The following KCNMA1 variants were observed in gnomAD, a reference collection of about 807,000 sequenced individuals.
The protein encoded by KCNMA1 is Calcium-activated potassium channel subunit alpha-1.
A neutral mutation model predicts 140.0 loss-of-function variants in KCNMA1; 29 were observed. The ratio of observed to expected loss-of-function variants is 0.21; its 90% CI spans 0.15 to 0.28. The LOEUF (loss-of-function observed/expected upper bound fraction) is 0.28, where lower values mean the gene tolerates loss of function less well. Ranked by LOEUF, KCNMA1 falls within the 10% of genes least tolerant of loss-of-function variation. The probability of loss-of-function intolerance (pLI) is 1.00; values close to 1 mark genes in which losing one functional copy is unlikely to be tolerated. For synonymous variants in KCNMA1, 612 were observed against 611.9 expected (o/e 1.00, Z 0.00); for missense variants, 880 against 1,602.2 (o/e 0.55, Z 7.70).
chr10:77,537,379 C>T (rs2059142352), intron 1 of KCNMA1, among the ~76,000 whole-genome samples: 2 of 152,186 alleles, frequency 1.3e-5, no homozygotes, highest in Non-Finnish European at 2.9e-5. Context: ...GCCTACAGTG[C>T]CCACACCTTG....
chr10:77,097,149 T>C (rs2096954508), intron 9 of KCNMA1, among the ~76,000 whole-genome samples: 1 of 152,316 alleles, frequency 6.6e-6, no homozygotes, highest in South Asian at 2.1e-4. Flanking sequence ...GTAGTGCTTT[T>C]CTTGGCTACT....
intron 2 of KCNMA1, among the ~76,000 whole-genome samples, chr10:77,273,397 A>C (rs1214413525): frequency 6.6e-6 from 1 of 152,322 alleles, no homozygotes; most frequent in African/African-American, 2.4e-5. Flanking sequence ...TTTCTGAAGT[A>C]CTTATTACAT....
chr10:77,608,472 C>G (rs573783506), intron 1 of KCNMA1, among the ~76,000 whole-genome samples: 217 of 152,250 alleles, frequency 1.4e-3, no homozygotes, highest in African/African-American at 5.1e-3. Context: ...CCATGCCGGG[C>G]CTGTAGGTCT....
At chr10:77,581,678 G>T (rs533579935) in intron 1 of KCNMA1, among the ~76,000 whole-genome samples, 1 of 152,326 alleles carries the variant, frequency 6.6e-6, no homozygotes, top group South Asian at 2.1e-4. Flanking sequence ...GTGCTCAGTT[G>T]CCTTACTCCC....
intron 3 of KCNMA1, among the ~76,000 whole-genome samples, chr10:77,244,910 A>C (rs1027056189): frequency 6.6e-6 from 1 of 152,028 alleles, no homozygotes; most frequent in Non-Finnish European, 1.5e-5. Context: ...CTGACATTCC[A>C]TTCTTTCAAC....
intron 23 of KCNMA1, among the ~76,000 whole-genome samples, chr10:76,933,061 C>T (rs1296150372): frequency 6.6e-6 from 1 of 152,168 alleles, no homozygotes; most frequent in South Asian, 2.1e-4. Flanking sequence ...GACAACCTGG[C>T]CATCTGATAA....
chr10:77,422,874 C>T (rs796260050), intron 1 of KCNMA1, among the ~76,000 whole-genome samples: 6 of 152,214 alleles, frequency 3.9e-5, no homozygotes, highest in African/African-American at 1.2e-4. Flanking sequence ...GAGGCTGGCC[C>T]TGCTGACATC....
At chr10:76,946,898 A>G (rs981058919) in intron 22 of KCNMA1, among the ~76,000 whole-genome samples, 3 of 152,228 alleles carry the variant, frequency 2.0e-5, no homozygotes, top group African/African-American at 7.2e-5. Context: ...CTGTTTAACC[A>G]ATAAACTCTG....
At position 77,451,052 on chromosome 10, in the gene KCNMA1, T is replaced by G. The variant is rs143842827; in HGVS notation, c.379-47029A>C. Among the ~76,000 whole-genome samples the G allele has an allele frequency of 2.3e-3, 345 of 152,284 alleles. 4 individuals carry two copies. Among genetic ancestry groups the G allele is most frequent in the Middle Eastern group, 3.4e-3 (1 of 294 alleles). The stretch of plus-strand genomic sequence containing the variant: ...CATGATTGTGAGGCTTCCCCAGCCA[T>G]GTGGAACTGTGAGTCCATTAAACCT... On this transcript the variant is annotated intron_variant, in intron 1 of 27. Transcript: ENST00000286628.
chr10:76,919,770 G>A (rs961615851), intron 23 of KCNMA1, among the ~76,000 whole-genome samples: 5 of 151,704 alleles, frequency 3.3e-5, no homozygotes, highest in African/African-American at 7.3e-5. Flanking sequence ...ATAAAATAAT[G>A]TATTTAAAAC....
chr10:77,078,070 G>A (rs992202737), intron 13 of KCNMA1: 1 of 152,218 alleles, frequency 6.6e-6, no homozygotes, highest in African/African-American at 2.4e-5. Flanking sequence ...AGCAAAATGG[G>A]CCAGCACTTG....
At chr10:77,552,019 C>T (rs1338737421) in intron 1 of KCNMA1, among the ~76,000 whole-genome samples, 1 of 152,158 alleles carries the variant, frequency 6.6e-6, no homozygotes, top group Non-Finnish European at 1.5e-5. Context: ...GGAAAAATCT[C>T]TCTGACCCAT....
chr10:76,951,505 T>C (rs1436032139), intron 21 of KCNMA1, among the ~76,000 whole-genome samples: 1 of 152,178 alleles, frequency 6.6e-6, no homozygotes, highest in Non-Finnish European at 1.5e-5. Flanking sequence ...TTAAATACAC[T>C]GTTTCATGGG....
At chr10:77,355,516 G>A (rs1357975891) in intron 2 of KCNMA1, among the ~76,000 whole-genome samples, 1 of 152,088 alleles carries the variant, frequency 6.6e-6, no homozygotes, top group African/African-American at 2.4e-5. Flanking sequence ...CTTCCTGTTG[G>A]GCATGATGAA....
chr10:77,073,282 T>C, intron 13 of KCNMA1, 30 bp from the exon 14 acceptor site: 4 of 1,611,688 alleles, frequency 2.5e-6, no homozygotes, highest in Non-Finnish European at 3.4e-6. Flanking sequence ...TATGAGACCT[T>C]GCTCTGTTAA....
intron 23 of KCNMA1, among the ~76,000 whole-genome samples, chr10:76,920,934 A>G (rs2055504014): frequency 6.6e-6 from 1 of 152,228 alleles, no homozygotes; most frequent in South Asian, 2.1e-4. Flanking sequence ...ACAACTCAGT[A>G]CATATAATAA....
At chr10:76,974,537 G>A (rs1433211743) in intron 19 of KCNMA1, 1 of 1,549,960 alleles carries the variant, frequency 6.5e-7, no homozygotes, top group Non-Finnish European at 8.7e-7. Context: ...GAACTCAAAT[G>A]GATCTTTGGA....
intron 2 of KCNMA1, among the ~76,000 whole-genome samples, chr10:77,283,819 A>G (rs776715364): frequency 7.2e-5 from 11 of 152,314 alleles, no homozygotes; most frequent in Non-Finnish European, 1.2e-4. Context: ...ATCATCCCCA[A>G]TGAATGTGAA....
At chr10:77,055,877 A>G (rs2095524610) in intron 14 of KCNMA1, among the ~76,000 whole-genome samples, 2 of 152,214 alleles carry the variant, frequency 1.3e-5, no homozygotes, top group African/African-American at 4.8e-5. Flanking sequence ...TAAATTGTTT[A>G]TAAACTCTGG....
Sources: allele counts gnomAD v4.1 joint callset (sites outside exome capture counted in the v4.1 genomes callset), GRCh38; gene constraint gnomAD v4.1.1; transcripts MANE v1.5; gene names NCBI Gene and HGNC (gene_info 2026-07-23, HGNC 2026-07-21).